MARCHF1: variants seen among roughly 807,000 people sequenced by gnomAD.
MARCHF1 encodes the protein membrane associated ring-CH-type finger 1, also known as E3 ubiquitin-protein ligase MARCHF1.
A neutral mutation model predicts 54.2 loss-of-function variants in MARCHF1; 40 were observed. The ratio of observed to expected loss-of-function variants is 0.74; its 90% confidence interval spans 0.57 to 0.96. MARCHF1 has a LOEUF of 0.96. Ranked by LOEUF, MARCHF1 falls within the 40% of genes least tolerant of loss-of-function variation. MARCHF1 has a pLI of 0.00. For missense variants in MARCHF1, 586 were observed against 656.5 expected, an observed-to-expected ratio of 0.89 and a Z score of 1.17; for synonymous variants, 236 against 236.3, an observed-to-expected ratio of 1.00 and a Z score of 0.01.
intron 3 of MARCHF1, among the ~76,000 whole-genome samples, chr4:163,859,656 C>G (rs182135934): frequency 6.6e-6 from 1 of 152,038 alleles, no homozygotes; most frequent in African/African-American, 2.4e-5. Flanking sequence ...CCACTGTGCC[C>G]GGGCGAGAAA....
chr4:163,973,649 A>G lies in MARCHF1; in HGVS notation c.-39+14852T>C, dbSNP rs548475687. 3.9e-4 allele frequency among the ~76,000 whole-genome samples: 60 copies of G among 152,362 alleles called. 1 individual carries two copies. In the South Asian group the frequency reaches 0.012, roughly 30 times the overall value. On this transcript the variant is annotated intron_variant, in intron 3 of 9. Transcript: ENST00000514618. ...ACAGTAATTAACACACCATAGCCAC[A>G]TAGAATAAATCCAAGGCAAAAGTCA... is the stretch of plus-strand genomic sequence containing the variant.
At chr4:164,128,276 A>G (rs1225534653) in intron 1 of MARCHF1, among the ~76,000 whole-genome samples, 2 of 152,166 alleles carry the variant, frequency 1.3e-5, no homozygotes, top group Non-Finnish European at 2.9e-5. Flanking sequence ...GCAATAAAAG[A>G]AAATGCACAC....
At chr4:163,727,754 C>T (rs989449027) in intron 4 of MARCHF1, among the ~76,000 whole-genome samples, 1 of 151,956 alleles carries the variant, frequency 6.6e-6, no homozygotes, top group Admixed American at 6.6e-5. Context: ...CTCATTGCAA[C>T]CTCAACCTCC....
chr4:164,188,863 AAAG>A (rs1731048011), intron 1 of MARCHF1: 1 of 780,890 alleles, frequency 1.3e-6, no homozygotes, highest in Non-Finnish European at 2.4e-6. Flanking sequence ...CTTATTTGAG[AAAG>A]AAGTTTACCC....
Position 163,810,172 on chromosome 4 carries a change from C to A in MARCHF1, c.111+43849G>T, listed in dbSNP as rs77178143. On this transcript the variant is annotated intron_variant, in intron 4 of 9. Transcript: ENST00000514618. ...GTAGATAACTGAGATTGCTGTTGTA[C>A]AAAATAAAGTGAAAGAGGAGGAAAA... Among the ~76,000 whole-genome samples, 1,058 of 151,128 alleles carry A rather than the reference C, an allele frequency of 7.0e-3. 15 individuals are homozygous for A. The highest frequency in any genetic ancestry group is 0.024 in the African/African-American group (995 of 41,150).
chr4:164,026,388 A>T (rs1187524042), intron 2 of MARCHF1, among the ~76,000 whole-genome samples: 1 of 152,158 alleles, frequency 6.6e-6, no homozygotes, highest in Non-Finnish European at 1.5e-5. Context: ...AATACACCAC[A>T]ATCAGGTAAA....
chr4:164,110,484 C>G (rs1403637757), intron 2 of MARCHF1, among the ~76,000 whole-genome samples: 1 of 151,732 alleles, frequency 6.6e-6, no homozygotes, highest in East Asian at 1.9e-4. Context: ...AAAATCTATT[C>G]TAACTCTTAA....
At chr4:163,894,341 A>G (rs1321287246) in intron 3 of MARCHF1, among the ~76,000 whole-genome samples, 4 of 152,058 alleles carry the variant, frequency 2.6e-5, no homozygotes, top group African/African-American at 9.7e-5. Context: ...ATAAGAAAAT[A>G]TAGAACAAAA....
At chr4:164,263,873 G>A (rs914156495) in intron 1 of MARCHF1, among the ~76,000 whole-genome samples, 30 of 152,074 alleles carry the variant, frequency 2.0e-4, no homozygotes, top group African/African-American at 6.5e-4. Flanking sequence ...ATGGAGAAAA[G>A]GGAATGCTTA....
intron 2 of MARCHF1, among the ~76,000 whole-genome samples, chr4:164,109,252 C>T (rs934010699): frequency 2.6e-5 from 4 of 151,962 alleles, no homozygotes; most frequent in African/African-American, 7.2e-5. Flanking sequence ...GATTAATAAG[C>T]ACTTTCATCC....
intron 1 of MARCHF1, among the ~76,000 whole-genome samples, chr4:164,277,152 ACTCCTCTGTGGAC>A (rs142305998): frequency 0.23 from 35,430 of 151,318 alleles, 5,198 homozygotes; most frequent in African/African-American, 0.39. Context: ...CTTAGAAGTC[ACTCCTCTGTGGAC>A]CTCCTCTGAC....
At chr4:163,675,891 T>A (rs1276678666) in intron 5 of MARCHF1, among the ~76,000 whole-genome samples, 1 of 152,142 alleles carries the variant, frequency 6.6e-6, no homozygotes, top group African/African-American at 2.4e-5. Flanking sequence ...ATCTCTTCCC[T>A]AGAGAAGTCT....
At chr4:164,313,910 A>G (rs576555335) in intron 1 of MARCHF1, among the ~76,000 whole-genome samples, 1 of 152,322 alleles carries the variant, frequency 6.6e-6, no homozygotes, top group East Asian at 1.9e-4. Flanking sequence ...AATCTGCTCT[A>G]GTTCCTATCT....
chr4:164,067,923 C>T (rs895020644), intron 2 of MARCHF1, among the ~76,000 whole-genome samples: 4 of 81,422 alleles, frequency 4.9e-5, no homozygotes, highest in East Asian at 2.4e-4. Context: ...TATGAACAGA[C>T]ACTTCTCAAA....
At chr4:163,884,421 G>T (rs547417728) in intron 3 of MARCHF1, among the ~76,000 whole-genome samples, 1 of 151,778 alleles carries the variant, frequency 6.6e-6, no homozygotes, top group South Asian at 2.1e-4. Flanking sequence ...ATTCTTCTTT[G>T]TAGTCAAAAT....
chr4:164,069,456 C>T (rs976773776), intron 2 of MARCHF1, among the ~76,000 whole-genome samples: 5 of 152,194 alleles, frequency 3.3e-5, no homozygotes, highest in East Asian at 1.9e-4. Context: ...ACACTCACCG[C>T]GAAGGTCTGC....
At chr4:164,159,969 T>G (rs1010692900) in intron 1 of MARCHF1, among the ~76,000 whole-genome samples, 1 of 152,162 alleles carries the variant, frequency 6.6e-6, no homozygotes, top group Non-Finnish European at 1.5e-5. Flanking sequence ...AACCACCACT[T>G]ATGCCTTTTA....
In MARCHF1 at chr4:164,259,533, G is replaced by A. The variant is rs181980550; in HGVS notation, c.-323+124337C>T. Among the ~76,000 whole-genome samples the A allele has an allele frequency of 3.6e-3, 446 of 124,234 alleles. 12 individuals carry two copies. The highest frequency in any genetic ancestry group is 0.034 in the Admixed American group (385 of 11,338). 81.5% of individuals were successfully genotyped at this position (124,234 alleles called of 152,430 possible). Reference sequence around the variant, plus strand: ...GCACTCCAGTGTGGGCAACAAAGTGGGACCGTGTCTCAAAAAAAAAAAAAA... The same window carrying A: ...GCACTCCAGTGTGGGCAACAAAGTGAGACCGTGTCTCAAAAAAAAAAAAAA... On this transcript the variant is annotated intron_variant, in intron 1 of 9. Transcript: ENST00000514618.
At chr4:164,372,677 T>C (rs1022488125) in intron 1 of MARCHF1, among the ~76,000 whole-genome samples, 1 of 152,164 alleles carries the variant, frequency 6.6e-6, no homozygotes, top group Non-Finnish European at 1.5e-5. Flanking sequence ...TGAATGTTTG[T>C]GTTGTACATG....
Sources: gnomAD v4.1 joint callset for allele counts (sites outside exome capture counted in the v4.1 genomes callset) on GRCh38, gnomAD v4.1.1 for gene constraint, MANE v1.5 for transcripts, NCBI Gene and HGNC (gene_info 2026-07-23, HGNC 2026-07-21) for gene names.